Variants in NLN observed in about 807,000 individuals in gnomAD.
NLN encodes the protein neurolysin, mitochondrial.
NLN carries 64 observed loss-of-function variants against 79.9 expected under a neutral mutation model. That is an observed-to-expected ratio of 0.80 (90% CI 0.65 to 0.99). The LOEUF is 0.99. Ranked by LOEUF, NLN falls within the 50% of genes least tolerant of loss-of-function variation. The pLI, the probability that NLN is intolerant of heterozygous loss-of-function variation, is 0.00. For synonymous variants in NLN, 267 were observed against 296.6 expected, an observed-to-expected ratio of 0.90 and a Z score of 1.02; for missense variants, 835 against 858.7, an observed-to-expected ratio of 0.97 and a Z score of 0.34.
rs1180492804 is a variant in NLN, at chr5:65,788,034, C to A, written c.959-84C>A. The A allele has an allele frequency of 2.2e-6, 3 of 1,344,790 alleles. No individual in the cohort carries two copies. In the African/African-American group the frequency reaches 4.4e-5, roughly 20 times the overall value. The allele number at this position is 1,344,790 out of a possible 1,614,324, so 83.3% of individuals were successfully genotyped here. A position where few individuals can be genotyped will look rare whatever the true frequency, so the allele number is the denominator to read the frequency against. ...GTATTGAGTACTGCAAAGGAGGAAG[C>A]ACCATGCTAAAACACAGGTGGTATT... On this transcript the variant is annotated intron_variant, in intron 7 of 12. Coordinates refer to ENST00000380985, the MANE Select transcript of NLN (RefSeq NM_020726.5).
At chr5:65,746,312 GC>G (rs1243316425) in intron 1 of NLN, among the ~76,000 whole-genome samples, 1 of 152,160 alleles carries the variant, frequency 6.6e-6, no homozygotes, top group Non-Finnish European at 1.5e-5. Flanking sequence ...TATCACAAAA[GC>G]CCAAAGAGGG....
rs751464676 is a variant in NLN, at chr5:65,822,945, T to C, written c.*30T>C. On this transcript the variant is annotated 3_prime_UTR_variant, in exon 13 of 13. Coordinates refer to ENST00000380985, the MANE Select transcript of NLN (RefSeq NM_020726.5). The stretch of plus-strand genomic sequence containing the variant: ...GGGATCTTTGGTAGCCGTCCATGTC[T>C]GGAGGACAAGTCGACATCACCATGT... 27 of 1,602,310 alleles carry C rather than the reference T, an allele frequency of 1.7e-5. No individual in the cohort carries two copies. The highest frequency in any genetic ancestry group is 1.4e-5 in the Non-Finnish European group (16 of 1,170,256).
At chr5:65,735,741 G>A (rs1758714582) in intron 1 of NLN, among the ~76,000 whole-genome samples, 1 of 152,084 alleles carries the variant, frequency 6.6e-6, no homozygotes, top group African/African-American at 2.4e-5. Context: ...CTCTCTTGTG[G>A]TTTAGAAATC....
chr5:65,800,666 AT>A (rs1338093112), intron 9 of NLN, among the ~76,000 whole-genome samples: 1 of 80,132 alleles, frequency 1.2e-5, no homozygotes, highest in Non-Finnish European at 3.7e-5. Context: ...AAACTCTCTT[AT>A]TTATTTATTT....
chr5:65,763,046 T>A lies in NLN; in HGVS notation c.388T>A (p.Ser130Thr). 1 of 1,613,908 alleles carries A rather than the reference T, an allele frequency of 6.2e-7. No homozygotes were observed. Among genetic ancestry groups the A allele is most frequent in the Non-Finnish European group, 8.5e-7 (1 of 1,179,864 alleles). ...AAGTACAGAAGCAGACAAAAGACTTTCTCGTTTTGATATTGAGATGAGCAT... is the reference window on the plus strand; with the variant it reads ...AAGTACAGAAGCAGACAAAAGACTTACTCGTTTTGATATTGAGATGAGCAT... Reference protein sequence around the residue: ...AASTEADKRLSRFDIEMSMRG... With the variant: ...AASTEADKRLTRFDIEMSMRG... The change falls in exon 3 of 13, where the codon TCT becomes ACT. Residue 130 changes from serine to threonine, a missense_variant. By Grantham distance (58) the Ser-to-Thr change is moderately conservative (BLOSUM62 1). Coordinates refer to ENST00000380985, the MANE Select transcript of NLN (RefSeq NM_020726.5).
At chr5:65,729,417 C>CG (rs1422479253) in intron 1 of NLN, among the ~76,000 whole-genome samples, 1 of 138,964 alleles carries the variant, frequency 7.2e-6, no homozygotes, top group Non-Finnish European at 1.5e-5. Flanking sequence ...CACTGTTGCC[C>CG]GGGCTGGAGT....
intron 1 of NLN, among the ~76,000 whole-genome samples, chr5:65,724,556 CAT>C (rs1433655921): frequency 6.6e-6 from 1 of 152,110 alleles, no homozygotes; most frequent in Non-Finnish European, 1.5e-5. Flanking sequence ...TTAATGTGCA[CAT>C]GTCTGTTTGA....
chr5:65,801,509 A>G (rs183572488), intron 9 of NLN, among the ~76,000 whole-genome samples: 1 of 152,326 alleles, frequency 6.6e-6, no homozygotes, highest in East Asian at 1.9e-4. Flanking sequence ...CAAATTTTGT[A>G]GGTTCTTTGT....
chr5:65,810,908 G>A lies in NLN; in HGVS notation c.1843+743G>A, dbSNP rs559168884. ...TGAGAGGATCACCTGAGCCTGGGGA[G>A]GTTAAGCCTGCAGCGAGCCATGATT... On this transcript the variant is annotated intron_variant, in intron 11 of 12. Coordinates refer to ENST00000380985, the MANE Select transcript of NLN (RefSeq NM_020726.5). 2.0e-5 allele frequency among the ~76,000 whole-genome samples: 3 copies of A among 152,276 alleles called. No individual in the cohort carries two copies. The East Asian group carries it at 5.8e-4, about 29-fold the overall frequency.
In NLN at chr5:65,827,034, C is replaced by G. The variant is rs1193026318; in HGVS notation, c.*4119C>G. 1 of 151,144 alleles carries G rather than the reference C, an allele frequency of 6.6e-6. No homozygotes were observed. The highest frequency in any genetic ancestry group is 1.5e-5 in the Non-Finnish European group (1 of 67,894). The allele number at this position is 151,144 out of a possible 1,614,324, so 9.4% of individuals were successfully genotyped here. ...AATTTCCCACTGGAAACAGATCCAC[C>G]TAAGTGATTATCTAGTATCAGCTGT... On this transcript the variant is annotated 3_prime_UTR_variant, in exon 13 of 13. Transcript: ENST00000380985.
rs2289884 is a variant in NLN at position 65,788,408 on chromosome 5, A to C, written c.1249A>C (p.Ser417Arg). Residue 417 changes from serine to arginine, a missense_variant, in exon 8 of 13, where the codon AGT becomes CGT. Coordinates refer to ENST00000380985, the MANE Select transcript of NLN (RefSeq NM_020726.5). ...QMTDAHVWNKSVTLYTVKDKA... is the reference protein window; with the variant it reads ...QMTDAHVWNKRVTLYTVKDKA... ...GACAGATGCTCATGTTTGGAACAAG[A>C]GTGTTACACTTTATACTGTGAAGGA... 6.2e-7 allele frequency: 1 copy of C among 1,613,984 alleles called. No homozygotes were observed. The highest frequency in any genetic ancestry group is 1.7e-5 in the Admixed American group (1 of 60,026).
intron 1 of NLN, among the ~76,000 whole-genome samples, chr5:65,738,082 T>C (rs1034825930): frequency 6.6e-6 from 1 of 150,860 alleles, no homozygotes; most frequent in African/African-American, 2.4e-5. Flanking sequence ...TGAGCCAAGA[T>C]TGCACCATGG....
intron 1 of NLN, among the ~76,000 whole-genome samples, chr5:65,739,169 C>A (rs1758818827): frequency 6.6e-6 from 1 of 150,970 alleles, no homozygotes; most frequent in South Asian, 2.1e-4. Flanking sequence ...TCCCAAAGTG[C>A]TGGGATTACA....
chr5:65,808,473 T>C (rs1760470654), intron 9 of NLN, among the ~76,000 whole-genome samples: 1 of 152,170 alleles, frequency 6.6e-6, no homozygotes, highest in African/African-American at 2.4e-5. Context: ...AGGAGCCCCA[T>C]TCTGCAGATG....
chr5:65,796,516 A>G (rs1338800477), intron 9 of NLN, among the ~76,000 whole-genome samples: 1 of 152,232 alleles, frequency 6.6e-6, no homozygotes. Context: ...AACCTCATCC[A>G]TGAGCACAAA....
chr5:65,777,364 A>G (rs1033599394), intron 3 of NLN, 63 bp from the exon 4 acceptor site: 16 of 1,056,958 alleles, frequency 1.5e-5, no homozygotes, highest in Middle Eastern at 2.0e-4. Context: ...CTGTGGCCTC[A>G]TAGTTTATAA....
Position 65,809,590 on chromosome 5 carries a change from T to A in NLN, c.1603T>A (p.Trp535Arg), listed in dbSNP as rs958681665. The stretch of plus-strand genomic sequence containing the variant: ...GGTGCCATCGCAAATGCTTGAAAAT[T>A]GGGTGTGGGACGTCGATTCCCTCCG... ...VEVPSQMLEN[W>R]VWDVDSLRRL... Residue 535 changes from tryptophan to arginine, a missense_variant, in exon 10 of 13, where the codon TGG (tryptophan) becomes AGG (arginine). Coordinates refer to ENST00000380985, the MANE Select transcript of NLN (RefSeq NM_020726.5). The A allele has an allele frequency of 1.2e-6, 2 of 1,613,754 alleles. No individual in the cohort carries two copies. Among genetic ancestry groups the A allele is most frequent in the Non-Finnish European group, 8.5e-7 (1 of 1,179,966 alleles).
At chr5:65,793,130 A>C (rs1760103600) in intron 9 of NLN, 2 of 262,768 alleles carry the variant, frequency 7.6e-6, no homozygotes, top group African/African-American at 2.3e-5. Flanking sequence ...AATATAGTCT[A>C]ACCATGCAAA....
intron 1 of NLN, chr5:65,733,593 G>T (rs1230972377): frequency 1.3e-6 from 2 of 1,499,674 alleles, no homozygotes; most frequent in Admixed American, 3.4e-5. Context: ...TTTTGGTCCC[G>T]TCCCCTGCCC....
Sources: gnomAD v4.1 joint callset for allele counts (sites outside exome capture counted in the v4.1 genomes callset) on GRCh38, gnomAD v4.1.1 for gene constraint, MANE v1.5 for transcripts, NCBI Gene and HGNC (gene_info 2026-07-23, HGNC 2026-07-21) for gene names.